Variants in RBKS observed in about 807,000 individuals in gnomAD.
RBKS encodes ribokinase.
Under a neutral mutation model 33.9 loss-of-function variants are expected in RBKS, and 33 were observed. The observed-to-expected ratio is 0.97, with a 90% CI of 0.74 to 1.30. The LOEUF (loss-of-function observed/expected upper bound fraction) is 1.30. Ranked by LOEUF, RBKS falls within the 50% of genes most tolerant of loss-of-function variation. The pLI is 0.00. For synonymous variants in RBKS, 125 were observed against 143.0 expected, an observed-to-expected ratio of 0.87 and a Z score of 0.90; for missense variants, 361 against 392.6, an observed-to-expected ratio of 0.92 and a Z score of 0.68.
chr2:27,858,662 G>T, intron 1 of RBKS, 91 bp from the exon 2 acceptor site: 1 of 1,084,792 alleles, frequency 9.2e-7, no homozygotes, highest in Non-Finnish European at 1.3e-6. Flanking sequence ...ATATGGTAGA[G>T]CTCTAAATAG....
chr2:27,820,882 T>C (rs1323714302), intron 7 of RBKS, among the ~76,000 whole-genome samples: 2 of 151,736 alleles, frequency 1.3e-5, no homozygotes, highest in African/African-American at 4.8e-5. Flanking sequence ...CTCTATTAAA[T>C]ACAAAAAATT....
intron 7 of RBKS, among the ~76,000 whole-genome samples, chr2:27,813,712 T>C (rs569678127): frequency 1.3e-5 from 2 of 152,046 alleles, no homozygotes; most frequent in South Asian, 4.2e-4. Flanking sequence ...GAATATCTAA[T>C]AGGGTTCCCA....
chr2:27,887,050 TG>T (rs976923876), intron 1 of RBKS, among the ~76,000 whole-genome samples: 130 of 152,342 alleles, frequency 8.5e-4, no homozygotes, highest in African/African-American at 3.0e-3. Flanking sequence ...TGTTGTTACG[TG>T]GCAAGGGGAA....
chr2:27,876,354 T>C (rs1664316223), intron 1 of RBKS, among the ~76,000 whole-genome samples: 1 of 152,200 alleles, frequency 6.6e-6, no homozygotes, highest in South Asian at 2.1e-4. Flanking sequence ...TTGAAAATAT[T>C]ATGCTAAGTG....
chr2:27,784,263 G>A (rs1234130685), intron 7 of RBKS, among the ~76,000 whole-genome samples: 1 of 151,174 alleles, frequency 6.6e-6, no homozygotes, highest in Non-Finnish European at 1.5e-5. Flanking sequence ...GATTACAGGC[G>A]TGAGCCACCG....
intron 1 of RBKS, among the ~76,000 whole-genome samples, chr2:27,883,677 A>T (rs192033871): frequency 1.2e-4 from 19 of 152,210 alleles, no homozygotes; most frequent in African/African-American, 4.6e-4. Flanking sequence ...TGCTAAAGGG[A>T]CTGCTTTGTA....
intron 1 of RBKS, among the ~76,000 whole-genome samples, chr2:27,889,506 T>G (rs1573088469): frequency 6.6e-6 from 1 of 152,212 alleles, no homozygotes; most frequent in Non-Finnish European, 1.5e-5. Flanking sequence ...ACATTACTTT[T>G]GTAATCAGAA....
chr2:27,885,996 T>C (rs1664521091), intron 1 of RBKS, among the ~76,000 whole-genome samples: 1 of 152,244 alleles, frequency 6.6e-6, no homozygotes, highest in African/African-American at 2.4e-5. Context: ...TGGAAATCTG[T>C]CTTTGGAAAA....
At chr2:27,801,985 TATATATA>T (rs1478575641) in intron 7 of RBKS, among the ~76,000 whole-genome samples, 1 of 99,904 alleles carries the variant, frequency 1.0e-5, no homozygotes, top group African/African-American at 4.4e-5. Context: ...TATATATATA[TATATATA>T]TTTTTTTTTT....
At chr2:27,856,672 A>G (rs1663862489) in intron 2 of RBKS, among the ~76,000 whole-genome samples, 1 of 152,112 alleles carries the variant, frequency 6.6e-6, no homozygotes, top group African/African-American at 2.4e-5. Flanking sequence ...CTCTCCTTTA[A>G]TGTCTCCAGC....
chr2:27,789,913 G>GTATATATATATATA (rs1677478080), intron 7 of RBKS, among the ~76,000 whole-genome samples: 1 of 121,472 alleles, frequency 8.2e-6, no homozygotes, highest in Admixed American at 8.5e-5. Context: ...GTGTGTGTGT[G>GTATATATATATATA]TGTTTGTGTG....
intron 1 of RBKS, chr2:27,870,833 C>T (rs1664194402): frequency 2.2e-6 from 1 of 464,658 alleles, no homozygotes. Flanking sequence ...AACAGTTCTG[C>T]AGCTGTGGTG....
chr2:27,827,705 C>G lies in RBKS; in HGVS notation c.657G>C (p.Glu219Asp). ...CCCTTTTCAAGAGCACTAATGCAGC[C>G]TCCCCAGCATCTGCAGCGCTGCCCA... ...LTVGSAADAGEAALVLLKRGC... is the reference protein window; with the variant it reads ...LTVGSAADAGDAALVLLKRGC... The change falls in exon 7 of 8, where the codon GAG (glutamate) becomes GAC (aspartate). Residue 219 changes from glutamate (E) to aspartate (D), a missense_variant. Physicochemically the swap from Glu to Asp is conservative, Grantham distance 45 (BLOSUM62 2). Coordinates refer to ENST00000302188, the MANE Select transcript of RBKS (RefSeq NM_022128.3). 4 of 1,613,122 alleles carry G rather than the reference C, an allele frequency of 2.5e-6. No homozygotes were observed. Among genetic ancestry groups the G allele is most frequent in the Non-Finnish European group, 3.4e-6 (4 of 1,179,660 alleles).
intron 7 of RBKS, among the ~76,000 whole-genome samples, chr2:27,786,862 C>A (rs543730053): frequency 3.9e-5 from 6 of 152,170 alleles, no homozygotes; most frequent in African/African-American, 1.2e-4. Flanking sequence ...AAATTCCCTT[C>A]CACTACAGCC....
intron 2 of RBKS, among the ~76,000 whole-genome samples, chr2:27,855,984 A>G (rs1227708829): frequency 6.6e-6 from 1 of 152,154 alleles, no homozygotes; most frequent in Non-Finnish European, 1.5e-5. Context: ...TCTACTTAGA[A>G]CTTGTCATCT....
At chr2:27,878,489 A>G (rs200937955) in intron 1 of RBKS, among the ~76,000 whole-genome samples, 7 of 152,216 alleles carry the variant, frequency 4.6e-5, no homozygotes, top group Non-Finnish European at 1.0e-4. Flanking sequence ...CGCAATAAAC[A>G]TAAGTGTGCA....
rs1677648519 is a variant in RBKS, at chr2:27,795,431, G to T, written c.796-13643C>A. ...ACTCTTTGAAATTTAAACATAAAAG[G>T]GGCAGAAAAGGCCTTGTACTCTTTA... On this transcript the variant is annotated intron_variant, in intron 7 of 7. Coordinates refer to ENST00000302188, the MANE Select transcript of RBKS (RefSeq NM_022128.3). The surrounding 1 kb of genome is among the most constrained non-coding windows in gnomAD (Gnocchi z 4.1). Among the ~76,000 whole-genome samples, 1 of 152,118 alleles carries T rather than the reference G, an allele frequency of 6.6e-6. No individual in the cohort carries two copies. The highest frequency in any genetic ancestry group is 2.1e-4 in the South Asian group (1 of 4,818).
At position 27,810,143 on chromosome 2, in the gene RBKS, C is replaced by T. The variant is rs1354430799; in HGVS notation, c.795+17424G>A. On this transcript the variant is annotated intron_variant, in intron 7 of 7. Coordinates refer to ENST00000302188, the MANE Select transcript of RBKS (RefSeq NM_022128.3). This position sits in a 1 kb window ranked among gnomAD's most constrained non-coding sequence, Gnocchi z 4.4. ...TCACAACCAACTGTGTATGTCTTGG[C>T]TGGTGCACCTGGTATATTTGTCTAC... 1.6e-6 allele frequency: 2 copies of T among 1,264,396 alleles called. No homozygotes were observed. The highest frequency in any genetic ancestry group is 2.1e-6 in the Non-Finnish European group (2 of 968,570). 78.3% of individuals were successfully genotyped at this position (1,264,396 alleles called of 1,614,324 possible).
At chr2:27,828,065 C>T (rs377427819) in intron 6 of RBKS, among the ~76,000 whole-genome samples, 31 of 152,062 alleles carry the variant, frequency 2.0e-4, no homozygotes, top group Non-Finnish European at 4.1e-4. Flanking sequence ...AGATGTATGC[C>T]GAAGTATTTG....
Sources: allele counts gnomAD v4.1 joint callset (sites outside exome capture counted in the v4.1 genomes callset), GRCh38; gene constraint gnomAD v4.1.1; non-coding constraint Gnocchi (gnomAD v3.1); transcripts MANE v1.5; gene names NCBI Gene and HGNC (gene_info 2026-07-23, HGNC 2026-07-21).